SLC25A21: variants seen among roughly 807,000 people sequenced by gnomAD.
SLC25A21 encodes solute carrier family 25 member 21.
SLC25A21 carries 47 observed loss-of-function variants against 43.8 expected under a neutral mutation model. The ratio of observed to expected loss-of-function variants is 1.07; its 90% CI spans 0.85 to 1.37. The LOEUF (loss-of-function observed/expected upper bound fraction) is 1.37, where lower values mean the gene tolerates loss of function less well. Ranked by LOEUF, SLC25A21 falls within the 40% of genes most tolerant of loss-of-function variation. The probability of loss-of-function intolerance (pLI) is 0.00; values close to 1 mark genes in which losing one functional copy is unlikely to be tolerated. For missense variants in SLC25A21, 352 were observed against 350.2 expected (o/e 1.00, Z -0.04); for synonymous variants, 131 against 121.3 (o/e 1.08, Z -0.52).
At chr14:37,048,085 C>G (rs962441803) in intron 1 of SLC25A21, among the ~76,000 whole-genome samples, 6 of 152,164 alleles carry the variant, frequency 3.9e-5, no homozygotes, top group African/African-American at 1.4e-4. Flanking sequence ...CTTTCCAGGT[C>G]CATTCATGAA....
chr14:36,957,412 T>C (rs1959369178), intron 1 of SLC25A21, among the ~76,000 whole-genome samples: 1 of 152,214 alleles, frequency 6.6e-6, no homozygotes, highest in South Asian at 2.1e-4. Flanking sequence ...TGCCCATTAA[T>C]GTGCTGTGTG....
intron 2 of SLC25A21, among the ~76,000 whole-genome samples, chr14:36,848,742 G>A (rs1376360076): frequency 6.6e-6 from 1 of 152,148 alleles, no homozygotes; most frequent in Non-Finnish European, 1.5e-5. Flanking sequence ...CTTTGGCAAT[G>A]ACTTATTTAA....
intron 1 of SLC25A21, among the ~76,000 whole-genome samples, chr14:37,012,729 G>C (rs867111889): frequency 6.6e-6 from 1 of 152,108 alleles, no homozygotes; most frequent in African/African-American, 2.4e-5. Context: ...TAGCGATTTG[G>C]CTTAAAGGAC....
chr14:36,989,782 A>C (rs1960224534), intron 1 of SLC25A21, among the ~76,000 whole-genome samples: 1 of 152,066 alleles, frequency 6.6e-6, no homozygotes, highest in Admixed American at 6.6e-5. Context: ...CTACTGCTAC[A>C]GTTCCTTCCC....
intron 1 of SLC25A21, among the ~76,000 whole-genome samples, chr14:36,925,558 A>G (rs1309060414): frequency 1.3e-5 from 2 of 152,182 alleles, no homozygotes; most frequent in Admixed American, 6.5e-5. Context: ...CTAATAACAG[A>G]GCTTCTGGCA....
chr14:37,067,373 C>G (rs1306864353), intron 1 of SLC25A21, among the ~76,000 whole-genome samples: 7 of 152,112 alleles, frequency 4.6e-5, no homozygotes, highest in Non-Finnish European at 1.0e-4. Flanking sequence ...ACAGCAAAAG[C>G]CAAAAGATGC....
intron 5 of SLC25A21, 25 bp from the exon 6 acceptor site, chr14:36,725,702 C>A (rs753143409): frequency 1.3e-6 from 2 of 1,507,206 alleles, no homozygotes; most frequent in South Asian, 2.4e-5. Context: ...TCAATCAATA[C>A]TTTAAAACAA....
At chr14:36,803,347 T>C (rs1594601882) in intron 3 of SLC25A21, among the ~76,000 whole-genome samples, 1 of 152,204 alleles carries the variant, frequency 6.6e-6, no homozygotes, top group Admixed American at 6.5e-5. Flanking sequence ...ATGAGTTATA[T>C]TGCAACATTC....
At chr14:37,096,476 C>T (rs992140485) in intron 1 of SLC25A21, among the ~76,000 whole-genome samples, 2 of 152,172 alleles carry the variant, frequency 1.3e-5, no homozygotes, top group African/African-American at 4.8e-5. Context: ...CTTTTTCCTA[C>T]ATCCTCTTTA....
rs148828450 is a variant in SLC25A21, at chr14:37,004,355, C to G, written c.71-129351G>C. Among the ~76,000 whole-genome samples, 210 of 152,246 alleles carry G rather than the reference C, an allele frequency of 1.4e-3. 1 individual carries two copies. Among genetic ancestry groups the G allele is most frequent in the African/African-American group, 4.6e-3 (192 of 41,556 alleles). On this transcript the variant is annotated intron_variant, in intron 1 of 9. Transcript: ENST00000331299. ...ACCCTATGAAGGCTATTAAAGATGT[C>G]AAGAATGTTTTATCTACTAACCTAA...
intron 1 of SLC25A21, among the ~76,000 whole-genome samples, chr14:36,912,266 T>C (rs1891707043): frequency 6.6e-6 from 1 of 152,218 alleles, no homozygotes; most frequent in Admixed American, 6.5e-5. Context: ...GCAGTAACCA[T>C]GCTAAGCAGT....
At chr14:37,002,210 G>A (rs1382083896) in intron 1 of SLC25A21, among the ~76,000 whole-genome samples, 1 of 152,114 alleles carries the variant, frequency 6.6e-6, no homozygotes, top group Non-Finnish European at 1.5e-5. Flanking sequence ...TGTGTTTTCT[G>A]CAGATAATTC....
chr14:36,770,319 T>TCC (rs1886570993), intron 3 of SLC25A21, among the ~76,000 whole-genome samples: 1 of 152,112 alleles, frequency 6.6e-6, no homozygotes, highest in African/African-American at 2.4e-5. Flanking sequence ...GCTAAATATT[T>TCC]AGTACTCATG....
chr14:37,139,161 G>A (rs908322153), intron 1 of SLC25A21, among the ~76,000 whole-genome samples: 1 of 151,988 alleles, frequency 6.6e-6, no homozygotes, highest in African/African-American at 2.4e-5. Context: ...ATTTAATCTT[G>A]TGTCCAAATG....
chr14:36,879,025 G>T (rs1890630691), intron 1 of SLC25A21, among the ~76,000 whole-genome samples: 1 of 152,094 alleles, frequency 6.6e-6, no homozygotes, highest in Admixed American at 6.6e-5. Context: ...TATAAATTTA[G>T]ATCAGTGCTT....
chr14:37,146,159 T>C (rs1963660556), intron 1 of SLC25A21, among the ~76,000 whole-genome samples: 1 of 152,222 alleles, frequency 6.6e-6, no homozygotes, highest in South Asian at 2.1e-4. Context: ...ATAAAACACT[T>C]GACATTTATT....
chr14:36,850,323 T>C (rs1444481689), intron 2 of SLC25A21, among the ~76,000 whole-genome samples: 1 of 152,184 alleles, frequency 6.6e-6, no homozygotes, highest in African/African-American at 2.4e-5. Flanking sequence ...GATAAAACTA[T>C]TCTATGAGGT....
chr14:36,982,209 C>G (rs942020573), intron 1 of SLC25A21, among the ~76,000 whole-genome samples: 1 of 152,192 alleles, frequency 6.6e-6, no homozygotes, highest in African/African-American at 2.4e-5. Context: ...ATTTTAAACT[C>G]ATTTTCAAAT....
intron 6 of SLC25A21, among the ~76,000 whole-genome samples, chr14:36,717,985 A>G (rs1884216328): frequency 6.6e-6 from 1 of 152,174 alleles, no homozygotes; most frequent in African/African-American, 2.4e-5. Flanking sequence ...ATTTTTCTTT[A>G]TATAGCTCTG....
Sources: gnomAD v4.1 joint callset for allele counts (sites outside exome capture counted in the v4.1 genomes callset) on GRCh38, gnomAD v4.1.1 for gene constraint, MANE v1.5 for transcripts, NCBI Gene and HGNC (gene_info 2026-07-23, HGNC 2026-07-21) for gene names.